GRIN2C: variants seen among roughly 807,000 people sequenced by gnomAD.
GRIN2C encodes the protein glutamate ionotropic receptor NMDA type subunit 2C.
Under a neutral mutation model 77.7 loss-of-function variants are expected in GRIN2C, and 64 were observed. The ratio of observed to expected loss-of-function variants is 0.82; its 90% confidence interval spans 0.67 to 1.01. The LOEUF (loss-of-function observed/expected upper bound fraction) is 1.01, where lower values mean the gene tolerates loss of function less well. Ranked by LOEUF, GRIN2C falls within the 50% of genes least tolerant of loss-of-function variation. GRIN2C has a pLI of 0.00. For synonymous variants in GRIN2C, 792 were observed against 643.4 expected (o/e 1.23, Z -3.49); for missense variants, 1,549 against 1,486.0 (o/e 1.04, Z -0.70).
chr17:74,851,226 A>G (rs1012651307), intron 4 of GRIN2C: 8 of 307,414 alleles, frequency 2.6e-5, no homozygotes, highest in Non-Finnish European at 4.9e-5. Context: ...CAATCCCACA[A>G]TCTTTTGCAC....
upstream of GRIN2C, chr17:74,860,863 G>A (rs1179607515): frequency 2.1e-5 from 6 of 280,420 alleles, no homozygotes; most frequent in African/African-American, 4.6e-5. Flanking sequence ...AGGGGTCTGG[G>A]CGCCGAGGCG....
At chr17:74,851,805 C>T (rs1029721577) in intron 3 of GRIN2C, 114 bp from the exon 4 acceptor site, 4 of 750,030 alleles carry the variant, frequency 5.3e-6, no homozygotes, top group Non-Finnish European at 9.2e-6. Flanking sequence ...GTTCAAAGTG[C>T]TTCCCTATAT....
rs1181903617 is a variant in GRIN2C at position 74,851,071 on chromosome 17, T to C, written c.1114-304A>G. The C allele has an allele frequency of 1.1e-5, 5 of 450,238 alleles. No homozygotes were observed. The East Asian group carries it at 1.9e-4, about 17-fold the overall frequency. The allele number at this position is 450,238 out of a possible 1,614,324, so 27.9% of individuals were successfully genotyped here. On this transcript the variant is annotated intron_variant, in intron 4 of 12. Transcript: ENST00000293190. ...AGGCCCTTCATGCTCCAAACCCTTC[T>C]GCCCCTCTGTCTCTTCCAGGCTAGC...
In GRIN2C at chr17:74,859,098, A is replaced by G. The variant is rs2037891488; in HGVS notation, c.-16+646T>C. ...CCCTGCGGCAGGTGTGTGTGCACTCATTAACACCCTGCCCCACACTGGACT... is the reference window on the plus strand; with the variant it reads ...CCCTGCGGCAGGTGTGTGTGCACTCGTTAACACCCTGCCCCACACTGGACT... On this transcript the variant is annotated intron_variant, in intron 1 of 12. Transcript: ENST00000293190. The surrounding 1 kb of genome is among the most constrained non-coding windows in gnomAD (Gnocchi z 5.9). 6.6e-6 allele frequency among the ~76,000 whole-genome samples: 1 copy of G among 152,076 alleles called. No homozygotes were observed. The highest frequency in any genetic ancestry group is 6.5e-5 in the Admixed American group (1 of 15,280).
intron 11 of GRIN2C, among the ~76,000 whole-genome samples, chr17:74,845,813 C>G (rs535263597): frequency 6.6e-6 from 1 of 152,236 alleles, no homozygotes; most frequent in South Asian, 2.1e-4. Flanking sequence ...ACCATGAGGC[C>G]TGAGCCCCTT....
Position 74,842,250 on chromosome 17 carries a change from C to G in GRIN2C, c.*185G>C. The G allele has an allele frequency of 1.8e-6, 1 of 557,904 alleles. No individual in the cohort carries two copies. Among genetic ancestry groups the G allele is most frequent in the African/African-American group, 1.9e-5 (1 of 51,884 alleles). 34.6% of individuals were successfully genotyped at this position (557,904 alleles called of 1,614,324 possible). A position where few individuals can be genotyped will look rare whatever the true frequency, so the allele number is the denominator to read the frequency against. On this transcript the variant is annotated 3_prime_UTR_variant, in exon 13 of 13. Coordinates refer to ENST00000293190, the MANE Select transcript of GRIN2C (RefSeq NM_000835.6). ...TGCGTGAGAAGAGGACAGCAAAAGCCCAGCCCTCACCATGATTTGAGGCTA... is the reference window on the plus strand; with the variant it reads ...TGCGTGAGAAGAGGACAGCAAAAGCGCAGCCCTCACCATGATTTGAGGCTA...
chr17:74,847,656 C>T lies in GRIN2C; in HGVS notation c.1772-119G>A. On this transcript the variant is annotated intron_variant, in intron 8 of 12. Transcript: ENST00000293190. This position sits in a 1 kb window ranked among gnomAD's most constrained non-coding sequence, Gnocchi z 5.2. ...AGCCTGGCCTTGGGGGGGACGCGTCCTGGCCATTCCCTCGCCAGGTGAAGT... is the reference window on the plus strand; with the variant it reads ...AGCCTGGCCTTGGGGGGGACGCGTCTTGGCCATTCCCTCGCCAGGTGAAGT... 1 of 891,178 alleles carries T rather than the reference C, an allele frequency of 1.1e-6. No homozygotes were observed. The highest frequency in any genetic ancestry group is 1.7e-6 in the Non-Finnish European group (1 of 571,944). 55.2% of individuals were successfully genotyped at this position (891,178 alleles called of 1,614,324 possible).
chr17:74,847,587 A>G lies in GRIN2C; in HGVS notation c.1772-50T>C, dbSNP rs1163767360. Reference sequence around the variant, plus strand: ...CTGGAGCTCCTCCTGCCCACCATGAAAGGGCTCAGGGCTCAGCCCACCCGA... The same window carrying G: ...CTGGAGCTCCTCCTGCCCACCATGAGAGGGCTCAGGGCTCAGCCCACCCGA... On this transcript the variant is annotated intron_variant, in intron 8 of 12. Coordinates refer to ENST00000293190, the MANE Select transcript of GRIN2C (RefSeq NM_000835.6). The surrounding 1 kb of genome is among the most constrained non-coding windows in gnomAD (Gnocchi z 5.2). 7.3e-7 allele frequency: 1 copy of G among 1,367,212 alleles called. No individual in the cohort carries two copies. Among genetic ancestry groups the G allele is most frequent in the Admixed American group, 1.9e-5 (1 of 53,708 alleles). 84.7% of individuals were successfully genotyped at this position (1,367,212 alleles called of 1,614,324 possible).
intron 1 of GRIN2C, among the ~76,000 whole-genome samples, chr17:74,857,767 C>A (rs2144623632): frequency 6.6e-6 from 1 of 152,264 alleles, no homozygotes; most frequent in East Asian, 1.9e-4. Flanking sequence ...CTATTGGGTA[C>A]CAGAAACATC....
chr17:74,846,707 G>A lies in GRIN2C; in HGVS notation c.2162+53C>T. ...GTCCCCACATTGAGAGCTAAGGCTG[G>A]TCACTGGGGAGACACACGGATGAAG... is the stretch of plus-strand genomic sequence containing the variant. On this transcript the variant is annotated intron_variant, in intron 10 of 12. Transcript: ENST00000293190. The surrounding 1 kb of genome is among the most constrained non-coding windows in gnomAD (Gnocchi z 4.4). 1 of 1,566,296 alleles carries A rather than the reference G, an allele frequency of 6.4e-7. No individual in the cohort carries two copies. Among genetic ancestry groups the A allele is most frequent in the Non-Finnish European group, 8.7e-7 (1 of 1,146,086 alleles).
At chr17:74,856,542 G>C (rs1190585718) in intron 1 of GRIN2C, among the ~76,000 whole-genome samples, 3 of 149,062 alleles carry the variant, frequency 2.0e-5, no homozygotes, top group Admixed American at 1.3e-4. Context: ...GCAGTGGTGC[G>C]ATCTCGGCTC....
In GRIN2C at chr17:74,846,987, C is replaced by G; in HGVS notation, c.2002-67G>C. 6.5e-7 allele frequency: 1 copy of G among 1,530,700 alleles called. No homozygotes were observed. The highest frequency in any genetic ancestry group is 8.9e-7 in the Non-Finnish European group (1 of 1,128,330). 94.8% of individuals were successfully genotyped at this position (1,530,700 alleles called of 1,614,324 possible). A position where few individuals can be genotyped will look rare whatever the true frequency, so the allele number is the denominator to read the frequency against. On this transcript the variant is annotated intron_variant, in intron 9 of 12. Coordinates refer to ENST00000293190, the MANE Select transcript of GRIN2C (RefSeq NM_000835.6). The surrounding 1 kb of genome is among the most constrained non-coding windows in gnomAD (Gnocchi z 4.4). The stretch of plus-strand genomic sequence containing the variant: ...GCCTTCCAGGCACCAAAGCCCCAAA[C>G]CCACCCCAGAGCCCAGCCCCAGTGT...
chr17:74,846,144 C>T lies in GRIN2C; in HGVS notation c.2272G>A (p.Gly758Ser). ...TCCTTCTGCATGGCGATGCCGTAGC[C>T]AGTGGTAGCAAAGACCTTGCCAGAC... ...IGSGKVFATTGYGIAMQKDSH... is the reference protein window; with the variant it reads ...IGSGKVFATTSYGIAMQKDSH... The change falls in exon 11 of 13, where the codon GGC becomes AGC. Residue 758 changes from glycine to serine, a missense_variant. Around this residue, in one of 3 missense-constraint regions of GRIN2C, gnomAD observed 717 missense variants for 858.1 expected, o/e 0.84. Transcript: ENST00000293190. This position sits in a 1 kb window ranked among gnomAD's most constrained non-coding sequence, Gnocchi z 4.4. 6.2e-7 allele frequency: 1 copy of T among 1,614,188 alleles called. No individual in the cohort carries two copies.
At position 74,850,620 on chromosome 17, in the gene GRIN2C, G is replaced by C; in HGVS notation, c.1261C>G (p.Pro421Ala). ...TTGGGGACACAGCCTCCTGTGCCAGGGTCAGGGCTCTCCACGATGACAAAG... is the reference window on the plus strand; with the variant it reads ...TTGGGGACACAGCCTCCTGTGCCAGCGTCAGGGCTCTCCACGATGACAAAG... ...RPFVIVESPD[P>A]GTGGCVPNTV... The change falls in exon 5 of 13, where the codon CCT becomes GCT. Residue 421 changes from proline (P) to alanine (A), a missense_variant. Pro to Ala is a conservative substitution (Grantham distance 27). Transcript: ENST00000293190. This position sits in a 1 kb window ranked among gnomAD's most constrained non-coding sequence, Gnocchi z 5.3. 1 of 1,613,664 alleles carries C rather than the reference G, an allele frequency of 6.2e-7. No individual in the cohort carries two copies. Among genetic ancestry groups the C allele is most frequent in the Non-Finnish European group, 8.5e-7 (1 of 1,180,010 alleles).
At chr17:74,858,555 G>A (rs1342168296) in intron 1 of GRIN2C, among the ~76,000 whole-genome samples, 1 of 151,360 alleles carries the variant, frequency 6.6e-6, no homozygotes, top group Admixed American at 6.6e-5. Context: ...GAGGTAGGAG[G>A]GACAAACTCC....
intron 12 of GRIN2C, 73 bp from the exon 13 acceptor site, chr17:74,843,626 G>C: frequency 6.7e-7 from 1 of 1,499,392 alleles, no homozygotes; most frequent in South Asian, 1.2e-5. Flanking sequence ...GTCCCTGCCT[G>C]GTCCCAAGGC....
At chr17:74,857,619 T>C (rs746707660) in intron 1 of GRIN2C, among the ~76,000 whole-genome samples, 1 of 152,218 alleles carries the variant, frequency 6.6e-6, no homozygotes, top group African/African-American at 2.4e-5. Context: ...GGCCTCTGTC[T>C]GCTCACCTCT....
In GRIN2C at chr17:74,844,382, A is replaced by G. The variant is rs1232768205; in HGVS notation, c.2477T>C (p.Met826Thr). Residue 826 changes from methionine (M) to threonine (T), a missense_variant, in exon 12 of 13, where the codon ATG becomes ACG. By Grantham distance (81) the Met-to-Thr change is moderately conservative. Coordinates refer to ENST00000293190, the MANE Select transcript of GRIN2C (RefSeq NM_000835.6). ...AGVFYMLLVA[M>T]GLALLVFAWE... is the part of the protein sequence containing the mutation. ...GGCGAAGACCAGCAGGGCCAGCCCC[A>G]TGGCCACCAGCAGCATGTAGAAGAC... The G allele has an allele frequency of 1.2e-6, 2 of 1,614,158 alleles. No individual in the cohort carries two copies. The highest frequency in any genetic ancestry group is 1.7e-5 in the Admixed American group (1 of 60,024).
chr17:74,845,291 G>A (rs2037423952), intron 11 of GRIN2C, among the ~76,000 whole-genome samples: 1 of 139,346 alleles, frequency 7.2e-6, no homozygotes, highest in South Asian at 2.3e-4. Context: ...TTGAGACAGG[G>A]TCTCACTCTG....
Sources: allele counts gnomAD v4.1 joint callset (sites outside exome capture counted in the v4.1 genomes callset), GRCh38; gene constraint gnomAD v4.1.1; regional missense constraint gnomAD v4.1.1; non-coding constraint Gnocchi (gnomAD v3.1); transcripts MANE v1.5; gene names NCBI Gene and HGNC (gene_info 2026-07-23, HGNC 2026-07-21).